RBM20: variants seen among roughly 807,000 people sequenced by gnomAD.
RBM20 encodes RNA binding motif protein 20, also known as RNA-binding protein 20.
In RBM20, 51 loss-of-function variants were observed where a neutral mutation model predicts 110.1. The ratio of observed to expected loss-of-function variants is 0.46; its 90% CI spans 0.37 to 0.59. The LOEUF (loss-of-function observed/expected upper bound fraction) is 0.59. Ranked by LOEUF, RBM20 falls within the 20% of genes least tolerant of loss-of-function variation. The probability of loss-of-function intolerance (pLI) is 0.00; values close to 1 mark genes in which losing one functional copy is unlikely to be tolerated. For missense variants in RBM20, 1,512 were observed against 1,574.9 expected (o/e 0.96, Z 0.68); for synonymous variants, 589 against 618.2 (o/e 0.95, Z 0.70).
At chr10:110,674,649 C>T (rs565275324) in intron 1 of RBM20, among the ~76,000 whole-genome samples, 1 of 152,312 alleles carries the variant, frequency 6.6e-6, no homozygotes, top group East Asian at 1.9e-4. Flanking sequence ...TGCATATTAA[C>T]AAGCTGGTAA....
chr10:110,730,088 G>C (rs1843605345), intron 1 of RBM20, among the ~76,000 whole-genome samples: 1 of 152,178 alleles, frequency 6.6e-6, no homozygotes, highest in African/African-American at 2.4e-5. Context: ...ACAGTGCTGG[G>C]ATTACAGGTG....
intron 1 of RBM20, among the ~76,000 whole-genome samples, chr10:110,741,946 G>A (rs576095869): frequency 6.6e-6 from 1 of 152,192 alleles, no homozygotes; most frequent in South Asian, 2.1e-4. Context: ...ACTCCTCTAG[G>A]GCAGAACCCA....
At chr10:110,708,067 G>A (rs941312519) in intron 1 of RBM20, among the ~76,000 whole-genome samples, 6 of 152,148 alleles carry the variant, frequency 3.9e-5, no homozygotes, top group East Asian at 1.9e-4. Flanking sequence ...GTAAACACTC[G>A]GTTATAAAAA....
intron 7 of RBM20, 113 bp from the exon 8 acceptor site, chr10:110,810,270 G>A (rs1844747550): frequency 1.3e-6 from 1 of 743,798 alleles, no homozygotes; most frequent in Non-Finnish European, 2.4e-6. Flanking sequence ...CCCACACAAG[G>A]TATTTTTTCC....
chr10:110,666,400 T>C (rs1862179977), intron 1 of RBM20, among the ~76,000 whole-genome samples: 1 of 152,198 alleles, frequency 6.6e-6, no homozygotes, highest in Admixed American at 6.5e-5. Flanking sequence ...CTCAGCACTT[T>C]GGGAGGCTGA....
chr10:110,758,669 A>G (rs6585008), intron 1 of RBM20, among the ~76,000 whole-genome samples: 124,005 of 152,218 alleles, frequency 0.81, 50,876 homozygotes, highest in African/African-American at 0.86. Flanking sequence ...GTCTAGCATG[A>G]TAATCGCTAG....
chr10:110,722,969 G>A lies in RBM20; in HGVS notation c.192-57832G>A, dbSNP rs530760457. Among the ~76,000 whole-genome samples the A allele has an allele frequency of 1.4e-3, 211 of 152,146 alleles. 1 individual carries two copies. The highest frequency in any genetic ancestry group is 2.4e-3 in the Non-Finnish European group (163 of 68,004). ...TCTACTAAAAATATATAAATTAGCC[G>A]GGCGTTGTGGCATGCACCTGTAATC... On this transcript the variant is annotated intron_variant, in intron 1 of 13. Coordinates refer to ENST00000369519, the MANE Select transcript of RBM20 (RefSeq NM_001134363.3).
intron 1 of RBM20, among the ~76,000 whole-genome samples, chr10:110,670,548 T>C (rs957080743): frequency 5.3e-5 from 8 of 152,196 alleles, no homozygotes; most frequent in Non-Finnish European, 1.2e-4. Flanking sequence ...CCCTGCAGCA[T>C]TCATCTCTGC....
intron 1 of RBM20, among the ~76,000 whole-genome samples, chr10:110,703,270 C>T (rs1163367634): frequency 3.3e-5 from 5 of 151,090 alleles, no homozygotes; most frequent in South Asian, 2.1e-4. Context: ...TCCAGCTACT[C>T]GGGAGGCTGA....
chr10:110,803,010 C>G (rs189875597), intron 7 of RBM20, among the ~76,000 whole-genome samples: 1 of 152,214 alleles, frequency 6.6e-6, no homozygotes, highest in Admixed American at 6.5e-5. Flanking sequence ...TCTTTTCAGT[C>G]TCGTAATCAC....
At position 110,737,177 on chromosome 10, in the gene RBM20, CA is replaced by C. The variant is rs550138775; in HGVS notation, c.192-43604del. On this transcript the variant is annotated intron_variant, in intron 1 of 13. Transcript: ENST00000369519. ...GGGCAAGAAGAGTGAAACTCTGCCT[CA>C]AAAAAAAAAAAAAAAAAAACACCCC... 7.4e-3 allele frequency among the ~76,000 whole-genome samples: 198 copies of C among 26,632 alleles called. 3 individuals carry two copies. Among genetic ancestry groups the C allele is most frequent in the East Asian group, 0.015 (16 of 1,066 alleles). 17.5% of individuals were successfully genotyped at this position (26,632 alleles called of 152,430 possible). A position where few individuals can be genotyped will look rare whatever the true frequency, so the allele number is the denominator to read the frequency against.
chr10:110,702,437 G>A (rs926377637), intron 1 of RBM20, among the ~76,000 whole-genome samples: 1 of 152,332 alleles, frequency 6.6e-6, no homozygotes, highest in East Asian at 1.9e-4. Context: ...TCTGGAGGCT[G>A]AGGCAGGAAG....
chr10:110,764,274 C>G (rs1444401859), intron 1 of RBM20, among the ~76,000 whole-genome samples: 2 of 49,720 alleles, frequency 4.0e-5, no homozygotes, highest in Non-Finnish European at 9.0e-5. Flanking sequence ...AGCAAGCAAG[C>G]AAACAAACAA....
intron 1 of RBM20, among the ~76,000 whole-genome samples, chr10:110,703,002 T>G (rs200554825): frequency 1.6e-3 from 224 of 138,348 alleles, no homozygotes; most frequent in African/African-American, 4.3e-3. Flanking sequence ...TTTTTTTTTT[T>G]GTTTTTTTTT....
chr10:110,727,141 G>T (rs928067971), intron 1 of RBM20, among the ~76,000 whole-genome samples: 9 of 106,426 alleles, frequency 8.5e-5, no homozygotes, highest in African/African-American at 2.6e-4. Flanking sequence ...ACTGCACCCA[G>T]CCTTTTTTTT....
At chr10:110,685,015 G>A (rs1055119915) in intron 1 of RBM20, among the ~76,000 whole-genome samples, 8 of 152,224 alleles carry the variant, frequency 5.3e-5, no homozygotes, top group African/African-American at 1.9e-4. Context: ...TTTAGCACAA[G>A]GAGAGCGATC....
intron 1 of RBM20, among the ~76,000 whole-genome samples, chr10:110,661,760 A>C (rs899937433): frequency 2.0e-5 from 3 of 152,184 alleles, no homozygotes; most frequent in Non-Finnish European, 4.4e-5. Flanking sequence ...CTGTAATCCC[A>C]GCATTTTGGG....
intron 1 of RBM20, among the ~76,000 whole-genome samples, chr10:110,649,385 A>C (rs1861915441): frequency 6.6e-6 from 1 of 152,212 alleles, no homozygotes; most frequent in South Asian, 2.1e-4. Flanking sequence ...ACAAGAATAC[A>C]CAAAATGTTG....
At chr10:110,762,272 C>T (rs908254792) in intron 1 of RBM20, among the ~76,000 whole-genome samples, 28 of 152,152 alleles carry the variant, frequency 1.8e-4, no homozygotes, top group African/African-American at 6.3e-4. Flanking sequence ...CATAATTAGC[C>T]TTGTGCACCC....
Sources: gnomAD v4.1 joint callset for allele counts (sites outside exome capture counted in the v4.1 genomes callset) on GRCh38, gnomAD v4.1.1 for gene constraint, MANE v1.5 for transcripts, NCBI Gene and HGNC (gene_info 2026-07-23, HGNC 2026-07-21) for gene names.